KLHL32: variants seen among roughly 807,000 people sequenced by gnomAD.
KLHL32 encodes the protein kelch like family member 32.
In KLHL32, 35 loss-of-function variants were observed where a neutral mutation model predicts 64.8. The ratio of observed to expected loss-of-function variants is 0.54; its 90% CI spans 0.41 to 0.72. The LOEUF (loss-of-function observed/expected upper bound fraction) is 0.72. Ranked by LOEUF, KLHL32 falls within the 30% of genes least tolerant of loss-of-function variation. The pLI, the probability that KLHL32 is intolerant of heterozygous loss-of-function variation, is 0.00. For missense variants in KLHL32, 589 were observed against 768.5 expected, an observed-to-expected ratio of 0.77 and a Z score of 2.76; for synonymous variants, 259 against 281.0, an observed-to-expected ratio of 0.92 and a Z score of 0.78.
At chr6:97,114,573 C>T (rs1373986948) in intron 7 of KLHL32, 64 bp downstream of exon 7, 8 of 1,583,380 alleles carry the variant, frequency 5.1e-6, no homozygotes, top group Non-Finnish European at 6.9e-6. Flanking sequence ...ATTTAAAAGT[C>T]AAGCTTTAAT....
At chr6:96,943,036 T>C (rs1771504886) in intron 1 of KLHL32, among the ~76,000 whole-genome samples, 1 of 146,326 alleles carries the variant, frequency 6.8e-6, no homozygotes, top group Admixed American at 6.8e-5. Flanking sequence ...ATGCTCCCTC[T>C]ACACACACAC....
intron 4 of KLHL32, among the ~76,000 whole-genome samples, chr6:97,044,338 G>T (rs1484387507): frequency 6.6e-6 from 1 of 151,810 alleles, no homozygotes; most frequent in Non-Finnish European, 1.5e-5. Flanking sequence ...TGCATCCCAG[G>T]GATAAATCTC....
chr6:96,901,059 A>G, the KLHL32 span, among the ~76,000 whole-genome samples: 1 of 152,234 alleles, frequency 6.6e-6, no homozygotes, highest in Admixed American at 6.5e-5. Flanking sequence ...GTGCAGATCC[A>G]GTATTCATAT....
intron 5 of KLHL32, among the ~76,000 whole-genome samples, chr6:97,081,759 GT>G (rs1381845497): frequency 3.9e-5 from 6 of 152,108 alleles, no homozygotes; most frequent in Non-Finnish European, 7.4e-5. Flanking sequence ...TAATTGTAAG[GT>G]TTTTTGATTT....
chr6:97,103,951 G>T (rs924778360), intron 6 of KLHL32, among the ~76,000 whole-genome samples: 4 of 152,184 alleles, frequency 2.6e-5, no homozygotes, highest in Non-Finnish European at 5.9e-5. Flanking sequence ...AGAAGGAGGA[G>T]ACTCTCTCAT....
At chr6:96,926,143 C>G (rs182488094) in intron 1 of KLHL32, among the ~76,000 whole-genome samples, 1 of 152,260 alleles carries the variant, frequency 6.6e-6, no homozygotes, top group East Asian at 1.9e-4. Flanking sequence ...GAATTTCATG[C>G]CTCCATCACA....
At chr6:97,113,397 G>A (rs1276610587) in intron 6 of KLHL32, among the ~76,000 whole-genome samples, 1 of 152,074 alleles carries the variant, frequency 6.6e-6, no homozygotes, top group Non-Finnish European at 1.5e-5. Context: ...GAGCTTTGAT[G>A]ACACCTCCCA....
At chr6:96,942,391 C>T (rs62413863) in intron 1 of KLHL32, among the ~76,000 whole-genome samples, 15,197 of 152,230 alleles carry the variant, frequency 0.1, 808 homozygotes, top group Middle Eastern at 0.16. Context: ...TACCCATTTC[C>T]TCCATGAAAC....
intron 5 of KLHL32, 73 bp downstream of exon 5, chr6:97,064,799 A>C: frequency 8.2e-7 from 1 of 1,224,012 alleles, no homozygotes; most frequent in Non-Finnish European, 1.2e-6. Flanking sequence ...GCCCCCAACA[A>C]CTGGAGCTGA....
chr6:96,992,357 G>A (rs867022245), intron 3 of KLHL32, among the ~76,000 whole-genome samples: 2 of 152,220 alleles, frequency 1.3e-5, no homozygotes, highest in East Asian at 1.9e-4. Flanking sequence ...GTGGGCAGTT[G>A]TCCTGTCTCA....
At chr6:97,099,040 C>G (rs1312396810) in intron 6 of KLHL32, among the ~76,000 whole-genome samples, 1 of 152,182 alleles carries the variant, frequency 6.6e-6, no homozygotes, top group Non-Finnish European at 1.5e-5. Flanking sequence ...AAGCAAAGGC[C>G]GTTTCATCTT....
intron 6 of KLHL32, among the ~76,000 whole-genome samples, chr6:97,107,291 C>CA (rs1056501039): frequency 1.6e-3 from 214 of 136,604 alleles, no homozygotes; most frequent in East Asian, 7.0e-3. Context: ...GACTCCATCT[C>CA]AAAAAAAAAA....
chr6:96,938,221 T>G (rs921800581), intron 1 of KLHL32, among the ~76,000 whole-genome samples: 11 of 152,180 alleles, frequency 7.2e-5, no homozygotes, highest in African/African-American at 2.7e-4. Flanking sequence ...ACCAAGGGTG[T>G]CTCTGGCCAC....
intron 10 of KLHL32, among the ~76,000 whole-genome samples, chr6:97,133,740 A>T (rs1009324407): frequency 5.3e-5 from 8 of 152,164 alleles, no homozygotes; most frequent in Non-Finnish European, 8.8e-5. Flanking sequence ...GGGGAATTTA[A>T]AGTACTTCTA....
At chr6:97,030,260 C>T (rs1297257072) in intron 3 of KLHL32, among the ~76,000 whole-genome samples, 1 of 152,154 alleles carries the variant, frequency 6.6e-6, no homozygotes, top group African/African-American at 2.4e-5. Context: ...GAATTTTTGT[C>T]AGTTTTGTGT....
intron 2 of KLHL32, 78 bp from the exon 3 acceptor site, chr6:96,975,919 T>C (rs1775639133): frequency 8.3e-7 from 1 of 1,201,888 alleles, no homozygotes; most frequent in South Asian, 1.8e-5. Flanking sequence ...CCTCAGTCGA[T>C]GTTCAAGGAA....
rs1300070681 is a variant in KLHL32, at chr6:97,064,611, G to A, written c.313-17G>A. 5 of 1,601,278 alleles carry A rather than the reference G, an allele frequency of 3.1e-6. No individual in the cohort carries two copies. In the East Asian group the frequency reaches 6.7e-5, roughly 21 times the overall value. ...AAGTGTAACTGATAGTTTTATTTTT[G>A]TTAACAAACAAAACAGATTTTGCTG... is the stretch of plus-strand genomic sequence containing the variant. On this transcript the variant is annotated splice_polypyrimidine_tract_variant and intron_variant, in intron 4 of 10. Coordinates refer to ENST00000369261, the MANE Select transcript of KLHL32 (RefSeq NM_052904.4).
intron 6 of KLHL32, among the ~76,000 whole-genome samples, chr6:97,104,624 A>C (rs1320767198): frequency 6.6e-6 from 1 of 152,208 alleles, no homozygotes; most frequent in Non-Finnish European, 1.5e-5. Context: ...TTAGAAGAAA[A>C]AATAGCCTAT....
At chr6:97,113,720 C>T (rs1310839414) in intron 6 of KLHL32, 63 bp from the exon 7 acceptor site, 11 of 1,563,496 alleles carry the variant, frequency 7.0e-6, no homozygotes, top group Non-Finnish European at 7.8e-6. Flanking sequence ...TACCTATATG[C>T]TGTTGCTTTC....
Sources: gnomAD v4.1 joint callset for allele counts (sites outside exome capture counted in the v4.1 genomes callset) on GRCh38, gnomAD v4.1.1 for gene constraint, MANE v1.5 for transcripts, NCBI Gene and HGNC (gene_info 2026-07-23, HGNC 2026-07-21) for gene names.